Variants in ASAP3 observed in about 807,000 individuals in gnomAD.
The protein encoded by ASAP3 is ArfGAP with SH3 domain, ankyrin repeat and PH domain 3, also known as arf-GAP with SH3 domain, ANK repeat and PH domain-containing protein 3.
ASAP3 carries 85 observed loss-of-function variants against 118.2 expected under a neutral mutation model. The observed-to-expected ratio is 0.72, with a 90% CI of 0.60 to 0.86. The LOEUF is 0.86. Ranked by LOEUF, ASAP3 falls within the 40% of genes least tolerant of loss-of-function variation. The probability of loss-of-function intolerance (pLI) is 0.00; values close to 1 mark genes in which losing one functional copy is unlikely to be tolerated. For missense variants in ASAP3, 1,026 were observed against 1,175.0 expected (o/e 0.87, Z 1.85); for synonymous variants, 432 against 477.4 (o/e 0.90, Z 1.24).
At chr1:23,431,640 G>A (rs1284035219) in intron 23 of ASAP3, 56 bp downstream of exon 23, 2 of 1,443,358 alleles carry the variant, frequency 1.4e-6, no homozygotes, top group African/African-American at 1.4e-5. Context: ...GAAATCAATG[G>A]ATGCTCAGAG....
intron 3 of ASAP3, among the ~76,000 whole-genome samples, chr1:23,453,105 C>T (rs1313772293): frequency 6.6e-6 from 1 of 152,182 alleles, no homozygotes; most frequent in Non-Finnish European, 1.5e-5. Context: ...AGCCTCATCG[C>T]TGCACTGCTC....
In ASAP3 at chr1:23,453,571, A is replaced by G. The variant is rs373142692; in HGVS notation, c.349-800T>C. On this transcript the variant is annotated intron_variant, in intron 3 of 24. Coordinates refer to ENST00000336689, the MANE Select transcript of ASAP3 (RefSeq NM_017707.4). The stretch of plus-strand genomic sequence containing the variant: ...CAGCTGCGCCCCTGGACTTCTCATT[A>G]CAGGGGCTAATGAATTCCCTTTTAA... Among the ~76,000 whole-genome samples the G allele has an allele frequency of 5.9e-5, 9 of 152,296 alleles. No homozygotes were observed. In the East Asian group the frequency reaches 1.7e-3, roughly 29 times the overall value.
In ASAP3 at chr1:23,435,853, G is replaced by A. The variant is rs778956024; in HGVS notation, c.1747C>T (p.Gln583Ter). The change falls in exon 17 of 25, where the codon CAG (glutamine) becomes TAG (stop). Residue 583 changes from glutamine to a stop codon, truncating the protein, a stop_gained and splice_region_variant. Coordinates refer to ENST00000336689, the MANE Select transcript of ASAP3 (RefSeq NM_017707.4). LOFTEE classifies it high-confidence loss of function. The stretch of plus-strand genomic sequence containing the variant: ...GTGGCCCTTGGAGGGGTTCTCACCT[G>A]TGCATCAGGCCCTGGCAGCGGCTGT... ...FGQPLPGPDA[Q>*]APEELVLHLA... 1.9e-6 allele frequency: 3 copies of A among 1,614,138 alleles called. No homozygotes were observed. Among genetic ancestry groups the A allele is most frequent in the African/African-American group, 1.3e-5 (1 of 74,942 alleles).
intron 5 of ASAP3, among the ~76,000 whole-genome samples, chr1:23,445,183 G>A (rs892233768): frequency 5.9e-5 from 9 of 152,002 alleles, no homozygotes; most frequent in Non-Finnish European, 1.3e-4. Flanking sequence ...AGCAGTGCCT[G>A]GCAGCTTGCT....
intron 17 of ASAP3, 36 bp from the exon 18 acceptor site, chr1:23,434,654 C>A (rs199844906): frequency 2.4e-5 from 38 of 1,589,854 alleles, no homozygotes; most frequent in East Asian, 1.6e-4. Flanking sequence ...ATTCCCCCCC[C>A]AGTGCACCTG....
chr1:23,436,560 A>G lies in ASAP3; in HGVS notation c.1571T>C (p.Met524Thr), dbSNP rs1208226628. Residue 524 changes from methionine to threonine, a missense_variant and splice_region_variant, in exon 16 of 25, where the codon ATG (methionine) becomes ACG (threonine). Transcript: ENST00000336689. This position sits in a 1 kb window ranked among gnomAD's most constrained non-coding sequence, Gnocchi z 4.2. Reference sequence around the variant, plus strand: ...CCCCTCTCTCTGAGAATCCCCTTACATGTCACTCTCAGCTGAGGGTTTAGG... The same window carrying G: ...CCCCTCTCTCTGAGAATCCCCTTACGTGTCACTCTCAGCTGAGGGTTTAGG... The part of the protein sequence containing the change: ...GGPKPSAESD[M>T]GTRRDYIMAK... 6.2e-7 allele frequency: 1 copy of G among 1,613,954 alleles called. No homozygotes were observed. The highest frequency in any genetic ancestry group is 1.7e-5 in the Admixed American group (1 of 60,020).
Position 23,434,599 on chromosome 1 carries a change from A to C in ASAP3, c.1769T>G (p.Leu590Trp). The C allele has an allele frequency of 6.2e-7, 1 of 1,614,164 alleles. No individual in the cohort carries two copies. The highest frequency in any genetic ancestry group is 8.5e-7 in the Non-Finnish European group (1 of 1,180,028). The change falls in exon 18 of 25, where the codon TTG (leucine) becomes TGG (tryptophan). Residue 590 changes from leucine to tryptophan, a missense_variant. Transcript: ENST00000336689. ...GTTGGCGACTTTGACAGCCAAATGC[A>C]AGACGAGTTCTTCAGGTGCCTGAAA... ...PDAQAPEELV[L>W]HLAVKVANQA... is the part of the protein sequence containing the mutation.
rs1411072031 is a variant in ASAP3 at position 23,441,444 on chromosome 1, C to T, written c.777G>A (p.Gln259=). ...ALHQAQEDEL[Q]KLTQLRDSLR... is the part of the protein sequence containing the mutation. ...GGGAGTCCCGGAGCTGGGTCAGCTT[C>T]TGTAGCTCGTCCTCCTGGGCCTGAT... is the stretch of plus-strand genomic sequence containing the variant. Residue 259 remains glutamine (Q), a synonymous_variant, in exon 9 of 25, where the codon CAG becomes CAA. Transcript: ENST00000336689. The T allele has an allele frequency of 6.2e-7, 1 of 1,614,060 alleles. No individual in the cohort carries two copies. The highest frequency in any genetic ancestry group is 8.5e-7 in the Non-Finnish European group (1 of 1,180,040).
At chr1:23,469,867 T>C (rs1558178669) in intron 1 of ASAP3, among the ~76,000 whole-genome samples, 1 of 152,224 alleles carries the variant, frequency 6.6e-6, no homozygotes, top group African/African-American at 2.4e-5. Context: ...AGCCCTTTCT[T>C]GCTATCACAC....
chr1:23,434,658 G>A lies in ASAP3; in HGVS notation c.1750-40C>T, dbSNP rs758652046. ...ACACCTCTGAGATTCCCCCCCCAGT[G>A]CACCTGCCTCCAACCCAGTATTTCC... is the stretch of plus-strand genomic sequence containing the variant. On this transcript the variant is annotated intron_variant, in intron 17 of 24. Coordinates refer to ENST00000336689, the MANE Select transcript of ASAP3 (RefSeq NM_017707.4). The A allele has an allele frequency of 4.4e-5, 69 of 1,586,060 alleles. 1 individual carries two copies. In the South Asian group the frequency reaches 6.8e-4, roughly 16 times the overall value.
At chr1:23,452,888 G>A (rs1286153963) in intron 3 of ASAP3, 117 bp from the exon 4 acceptor site, 2 of 977,420 alleles carry the variant, frequency 2.0e-6, no homozygotes, top group Middle Eastern at 2.1e-4. Flanking sequence ...GGAAGTAGGG[G>A]AGAGGAAAAG....
In ASAP3 at chr1:23,442,494, C is replaced by T. The variant is rs1640908447; in HGVS notation, c.585+7G>A. 2 of 1,613,178 alleles carry T rather than the reference C, an allele frequency of 1.2e-6. No individual in the cohort carries two copies. The highest frequency in any genetic ancestry group is 1.3e-5 in the African/African-American group (1 of 75,006). On this transcript the variant is annotated splice_region_variant and intron_variant, in intron 6 of 24. Coordinates refer to ENST00000336689, the MANE Select transcript of ASAP3 (RefSeq NM_017707.4). ...GCCCCCCCTCCCTCATCCAGAGCAC[C>T]CCTTACCTCACACATGTGCAGCTGG... is the stretch of plus-strand genomic sequence containing the variant.
intron 3 of ASAP3, among the ~76,000 whole-genome samples, chr1:23,454,772 C>T (rs1641331936): frequency 6.6e-6 from 1 of 152,156 alleles, no homozygotes; most frequent in Non-Finnish European, 1.5e-5. Context: ...GAGCGCTTAC[C>T]ATAAAGTAGG....
intron 1 of ASAP3, among the ~76,000 whole-genome samples, chr1:23,458,544 G>A (rs1365205367): frequency 1.3e-5 from 2 of 152,076 alleles, no homozygotes; most frequent in African/African-American, 4.8e-5. Context: ...AAACTGCAGT[G>A]AGCCCTGATT....
intron 1 of ASAP3, among the ~76,000 whole-genome samples, chr1:23,460,368 G>C (rs979354265): frequency 4.6e-5 from 7 of 151,966 alleles, no homozygotes; most frequent in African/African-American, 1.5e-4. Context: ...TTAGCCAGGC[G>C]TGGTGGCACA....
chr1:23,456,340 G>C (rs1338901920), intron 1 of ASAP3, 146 bp from the exon 2 acceptor site: 1 of 727,662 alleles, frequency 1.4e-6, no homozygotes, highest in East Asian at 2.7e-5. Flanking sequence ...CTTATCCCTA[G>C]GGTCTTCCTG....
chr1:23,480,392 AC>A (rs1367433872), intron 1 of ASAP3, among the ~76,000 whole-genome samples: 1 of 152,088 alleles, frequency 6.6e-6, no homozygotes, highest in East Asian at 1.9e-4. Flanking sequence ...CTCTCTTCCC[AC>A]CAGTCTCTGA....
At chr1:23,462,958 TG>T (rs1297276544) in intron 1 of ASAP3, among the ~76,000 whole-genome samples, 2 of 152,182 alleles carry the variant, frequency 1.3e-5, no homozygotes, top group Admixed American at 6.5e-5. Flanking sequence ...TGCTTAACTC[TG>T]GCCCCTGGAC....
chr1:23,471,406 C>G (rs12088530), intron 1 of ASAP3, among the ~76,000 whole-genome samples: 38 of 152,238 alleles, frequency 2.5e-4, no homozygotes, highest in South Asian at 2.5e-3. Flanking sequence ...CTGATCTCTA[C>G]GGGGCTGAAA....
Sources: allele counts gnomAD v4.1 joint callset (sites outside exome capture counted in the v4.1 genomes callset), GRCh38; gene constraint gnomAD v4.1.1; non-coding constraint Gnocchi (gnomAD v3.1); transcripts MANE v1.5; gene names NCBI Gene and HGNC (gene_info 2026-07-23, HGNC 2026-07-21).